The following SUSD3 variants were observed in gnomAD, a reference collection of about 807,000 sequenced individuals.
The protein encoded by SUSD3 is sushi domain containing 3, also known as sushi domain-containing protein 3.
A neutral mutation model predicts 20.6 loss-of-function variants in SUSD3; 18 were observed. That is an observed-to-expected ratio of 0.87 (90% confidence interval 0.60 to 1.30). The LOEUF (loss-of-function observed/expected upper bound fraction) is 1.30. Ranked by LOEUF, SUSD3 falls within the 50% of genes most tolerant of loss-of-function variation. The pLI is 0.00. For missense variants in SUSD3, 306 were observed against 346.9 expected, an observed-to-expected ratio of 0.88 and a Z score of 0.94; for synonymous variants, 137 against 141.5, an observed-to-expected ratio of 0.97 and a Z score of 0.23.
intron 1 of SUSD3, among the ~76,000 whole-genome samples, chr9:93,067,866 G>C (rs886458122): frequency 3.9e-5 from 6 of 152,190 alleles, no homozygotes; most frequent in African/African-American, 1.4e-4. Flanking sequence ...CCAAAGTCCT[G>C]GGATTACAGG....
chr9:93,084,450 G>A, intron 4 of SUSD3, 87 bp from the exon 5 acceptor site: 1 of 1,307,520 alleles, frequency 7.6e-7, no homozygotes, highest in Non-Finnish European at 1.0e-6. Flanking sequence ...AGGCCCACTG[G>A]AGGGCCTGGG....
At chr9:93,076,102 C>A in intron 2 of SUSD3, 130 bp downstream of exon 2, 1 of 742,802 alleles carries the variant, frequency 1.3e-6, no homozygotes, top group East Asian at 2.9e-5. Flanking sequence ...TGTAGGGTCC[C>A]ATTCCCAACA....
intron 4 of SUSD3, among the ~76,000 whole-genome samples, chr9:93,081,914 T>C (rs1826431005): frequency 6.6e-6 from 1 of 152,188 alleles, no homozygotes; most frequent in African/African-American, 2.4e-5. Context: ...TAGTGCTGTT[T>C]TTCTTTTTCA....
intron 1 of SUSD3, among the ~76,000 whole-genome samples, chr9:93,059,368 T>C (rs1434279679): frequency 6.6e-6 from 1 of 152,072 alleles, no homozygotes; most frequent in Admixed American, 6.5e-5. Context: ...AGGCTTGGGA[T>C]CGCCTCGGCT....
At chr9:93,079,079 G>A (rs1010719263) in intron 3 of SUSD3, among the ~76,000 whole-genome samples, 37 of 152,308 alleles carry the variant, frequency 2.4e-4, no homozygotes, top group South Asian at 6.2e-4. Context: ...TGGGATTACA[G>A]GCATGAGCCA....
chr9:93,063,361 AC>A (rs1248076114), intron 1 of SUSD3, among the ~76,000 whole-genome samples: 2 of 152,062 alleles, frequency 1.3e-5, no homozygotes, highest in African/African-American at 2.4e-5. Flanking sequence ...CTCTTCCCAG[AC>A]CCCAGGCGGG....
intron 1 of SUSD3, among the ~76,000 whole-genome samples, chr9:93,059,521 C>G (rs1825425762): frequency 6.6e-6 from 1 of 152,220 alleles, no homozygotes; most frequent in Non-Finnish European, 1.5e-5. Flanking sequence ...GGCCTTGCTC[C>G]TTGAATGATT....
chr9:93,075,199 T>C (rs962838123), intron 1 of SUSD3, among the ~76,000 whole-genome samples: 3 of 152,140 alleles, frequency 2.0e-5, no homozygotes, highest in African/African-American at 7.2e-5. Flanking sequence ...TTAGAACTTG[T>C]TGGTTTTTTT....
chr9:93,073,760 TG>T (rs1354628676), intron 1 of SUSD3, among the ~76,000 whole-genome samples: 3 of 152,164 alleles, frequency 2.0e-5, no homozygotes, highest in African/African-American at 7.2e-5. Flanking sequence ...ATCTGCACAA[TG>T]GAACACTTCA....
At chr9:93,080,503 G>A (rs921659505) in intron 4 of SUSD3, among the ~76,000 whole-genome samples, 14 of 152,152 alleles carry the variant, frequency 9.2e-5, no homozygotes, top group Non-Finnish European at 1.6e-4. Flanking sequence ...GCCAGTGGTC[G>A]CATGCAGAGG....
intron 1 of SUSD3, among the ~76,000 whole-genome samples, chr9:93,070,413 A>G (rs577439138): frequency 6.6e-6 from 1 of 152,344 alleles, no homozygotes; most frequent in South Asian, 2.1e-4. Flanking sequence ...AGCAGTCAGA[A>G]TGGCCCTGCC....
At chr9:93,082,310 CTTT>C (rs561486543) in intron 4 of SUSD3, among the ~76,000 whole-genome samples, 7,094 of 86,002 alleles carry the variant, frequency 0.082, 42 homozygotes, top group South Asian at 0.11. Context: ...GGCCTCTTTC[CTTT>C]TTTTTTTTTT....
intron 4 of SUSD3, among the ~76,000 whole-genome samples, chr9:93,082,379 G>A (rs929016377): frequency 3.8e-4 from 55 of 143,554 alleles, no homozygotes; most frequent in Non-Finnish European, 6.4e-4. Context: ...GTTCAGTGGC[G>A]CGATCTCGGC....
intron 1 of SUSD3, among the ~76,000 whole-genome samples, chr9:93,070,362 T>C (rs1825865232): frequency 6.6e-6 from 1 of 152,208 alleles, no homozygotes; most frequent in Admixed American, 6.5e-5. Flanking sequence ...TGCATTGTTA[T>C]TGTTAGTGGC....
chr9:93,058,939 A>G, intron 1 of SUSD3, 109 bp downstream of exon 1: 1 of 596,044 alleles, frequency 1.7e-6, no homozygotes, highest in South Asian at 6.0e-5. Context: ...TGGGGGCCAC[A>G]GCAACGATCT....
At chr9:93,078,020 C>T (rs2118986363) in intron 3 of SUSD3, 27 bp downstream of exon 3, 1 of 1,613,920 alleles carries the variant, frequency 6.2e-7, no homozygotes, top group Non-Finnish European at 8.5e-7. Flanking sequence ...ATCTCAGGGT[C>T]CTCCCGGGAG....
intron 2 of SUSD3, among the ~76,000 whole-genome samples, chr9:93,076,309 GTTCATTCATTCA>G (rs35809322): frequency 2.6e-5 from 4 of 151,436 alleles, no homozygotes; most frequent in East Asian, 1.9e-4. Context: ...AACTATGTTT[GTTCATTCATTCA>G]TTCATTCATT....
intron 4 of SUSD3, 65 bp from the exon 5 acceptor site, chr9:93,084,472 G>A: frequency 7.0e-7 from 1 of 1,436,266 alleles, no homozygotes; most frequent in Non-Finnish European, 9.3e-7. Flanking sequence ...ACCTGGGAAG[G>A]TATGGAGTTG....
intron 1 of SUSD3, among the ~76,000 whole-genome samples, chr9:93,074,431 C>CAAAA (rs56872294): frequency 7.7e-5 from 3 of 38,874 alleles, no homozygotes; most frequent in Non-Finnish European, 1.7e-4. Flanking sequence ...GACTCTGACT[C>CAAAA]AAAAAAAAAA....
Sources: gnomAD v4.1 joint callset for allele counts (sites outside exome capture counted in the v4.1 genomes callset) on GRCh38, gnomAD v4.1.1 for gene constraint, MANE v1.5 for transcripts, NCBI Gene and HGNC (gene_info 2026-07-23, HGNC 2026-07-21) for gene names.